MTUS2: variants seen among roughly 807,000 people sequenced by gnomAD.
The protein encoded by MTUS2 is microtubule associated scaffold protein 2.
MTUS2 carries 40 observed loss-of-function variants against 114.1 expected under a neutral mutation model. That is an observed-to-expected ratio of 0.35 (90% CI 0.27 to 0.46). The LOEUF (loss-of-function observed/expected upper bound fraction) is 0.46, where lower values mean the gene tolerates loss of function less well. MTUS2 is among the 20% of genes least tolerant of loss of function. The pLI, the probability that MTUS2 is intolerant of heterozygous loss-of-function variation, is 1.00. For synonymous variants in MTUS2, 688 were observed against 672.0 expected, an observed-to-expected ratio of 1.02 and a Z score of -0.37; for missense variants, 1,679 against 1,705.4, an observed-to-expected ratio of 0.98 and a Z score of 0.27.
intron 5 of MTUS2, among the ~76,000 whole-genome samples, chr13:29,214,177 A>C (rs1469783113): frequency 1.9e-4 from 10 of 52,748 alleles, no homozygotes; most frequent in Non-Finnish European, 3.4e-4. Context: ...CCTATACTAC[A>C]TTGTTTTTTT....
At chr13:29,028,631 G>C (rs1005197456) in intron 3 of MTUS2, among the ~76,000 whole-genome samples, 1 of 151,660 alleles carries the variant, frequency 6.6e-6, no homozygotes, top group African/African-American at 2.4e-5. Flanking sequence ...TTATCTCCTT[G>C]GGAAGGCCAC....
intron 9 of MTUS2, among the ~76,000 whole-genome samples, chr13:29,441,363 C>T (rs998698315): frequency 6.6e-6 from 1 of 152,198 alleles, no homozygotes; most frequent in Non-Finnish European, 1.5e-5. Flanking sequence ...CCACTCCCCG[C>T]AGACGCTTGC....
intron 2 of MTUS2, among the ~76,000 whole-genome samples, chr13:28,968,254 T>A (rs986851962): frequency 6.6e-6 from 1 of 152,206 alleles, no homozygotes; most frequent in Non-Finnish European, 1.5e-5. Flanking sequence ...TTTCATACTG[T>A]GAGGCTGGCC....
intron 8 of MTUS2, among the ~76,000 whole-genome samples, chr13:29,388,041 C>A (rs1185581834): frequency 6.6e-6 from 1 of 152,144 alleles, no homozygotes; most frequent in African/African-American, 2.4e-5. Flanking sequence ...GTTTACCGCA[C>A]ACCTATGGCT....
At chr13:29,058,628 AC>A (rs1888259130) in intron 4 of MTUS2, among the ~76,000 whole-genome samples, 5 of 146,220 alleles carry the variant, frequency 3.4e-5, no homozygotes, top group Non-Finnish European at 7.4e-5. Flanking sequence ...GTTTTAGGGT[AC>A]ATGTGCATGT....
At chr13:29,387,289 G>A (rs992333389) in intron 8 of MTUS2, among the ~76,000 whole-genome samples, 7 of 152,300 alleles carry the variant, frequency 4.6e-5, no homozygotes, top group East Asian at 3.9e-4. Context: ...TGAACAATCC[G>A]TTGGGCAGAC....
At chr13:28,840,659 C>G (rs1015810234) in intron 2 of MTUS2, among the ~76,000 whole-genome samples, 3 of 152,230 alleles carry the variant, frequency 2.0e-5, no homozygotes, top group Non-Finnish European at 4.4e-5. Context: ...ACATGGTGCT[C>G]TTCCACAGTG....
At position 29,174,415 on chromosome 13, in the gene MTUS2, G is replaced by A. The variant is rs141108219; in HGVS notation, c.2644+73445G>A. ...CATTTAAAAAACCAGTGAGCCATCA[G>A]AACCAGAACAGTAGCTTGCATGCTC... On this transcript the variant is annotated intron_variant, in intron 5 of 15. Coordinates refer to ENST00000612955, the MANE Select transcript of MTUS2 (RefSeq NM_001033602.4). Among the ~76,000 whole-genome samples, 201 of 152,296 alleles carry A rather than the reference G, an allele frequency of 1.3e-3. 1 individual carries two copies. Among genetic ancestry groups the A allele is most frequent in the African/African-American group, 4.6e-3 (192 of 41,564 alleles).
intron 5 of MTUS2, among the ~76,000 whole-genome samples, chr13:29,166,100 A>G (rs1404000508): frequency 6.6e-6 from 1 of 152,168 alleles, no homozygotes; most frequent in Admixed American, 6.5e-5. Flanking sequence ...AAACAGAACT[A>G]TGCTTCCACT....
rs561126766 is a variant in MTUS2, at chr13:29,171,790, T to G, written c.2644+70820T>G. ...ACTGTAGTTCAATGCTTCTACCTCATAGTCCAAAATGGCTGCTTGAAATCC... is the reference window on the plus strand; with the variant it reads ...ACTGTAGTTCAATGCTTCTACCTCAGAGTCCAAAATGGCTGCTTGAAATCC... On this transcript the variant is annotated intron_variant, in intron 5 of 15. Transcript: ENST00000612955. 9.8e-5 allele frequency among the ~76,000 whole-genome samples: 15 copies of G among 152,358 alleles called. No homozygotes were observed. The East Asian group carries it at 2.9e-3, about 29-fold the overall frequency.
chr13:29,189,778 CCTTTGGAAGGT>C (rs1221732216), intron 5 of MTUS2, among the ~76,000 whole-genome samples: 3 of 152,068 alleles, frequency 2.0e-5, no homozygotes, highest in Admixed American at 2.0e-4. Flanking sequence ...CCATGATAAA[CCTTTGGAAGGT>C]CTACTTGTTT....
chr13:29,348,101 C>A (rs1868889769), intron 7 of MTUS2, among the ~76,000 whole-genome samples: 2 of 152,234 alleles, frequency 1.3e-5, no homozygotes, highest in South Asian at 4.2e-4. Flanking sequence ...ATGACTGATT[C>A]TTAACTCAAT....
At chr13:29,196,436 T>G (rs77558415) in intron 5 of MTUS2, among the ~76,000 whole-genome samples, 2 of 4,718 alleles carry the variant, frequency 4.2e-4, no homozygotes, top group African/African-American at 5.1e-3. Flanking sequence ...TTTTCCTCAA[T>G]TTTTTTTTTG....
intron 5 of MTUS2, among the ~76,000 whole-genome samples, chr13:29,166,837 T>C (rs544231675): frequency 1.3e-5 from 2 of 152,264 alleles, no homozygotes; most frequent in East Asian, 3.9e-4. Flanking sequence ...TGAAAAAAAA[T>C]TAGTTTTAAA....
chr13:29,420,236 T>G (rs1036744988), intron 8 of MTUS2, among the ~76,000 whole-genome samples: 1 of 151,306 alleles, frequency 6.6e-6, no homozygotes, highest in Admixed American at 6.6e-5. Context: ...CTTCCTTAAC[T>G]TACTTTCTTT....
intron 5 of MTUS2, among the ~76,000 whole-genome samples, chr13:29,224,398 T>A (rs556415093): frequency 8.5e-5 from 13 of 152,312 alleles, no homozygotes; most frequent in African/African-American, 2.4e-4. Context: ...GTTGCTTAGC[T>A]ACTCTTTTTT....
At chr13:29,121,739 C>T (rs1891319554) in intron 5 of MTUS2, among the ~76,000 whole-genome samples, 1 of 152,012 alleles carries the variant, frequency 6.6e-6, no homozygotes. Context: ...TCACCGCAAC[C>T]TCCGCCTCCC....
At chr13:29,178,962 G>A (rs759059716) in intron 5 of MTUS2, among the ~76,000 whole-genome samples, 3 of 152,310 alleles carry the variant, frequency 2.0e-5, no homozygotes, top group African/African-American at 4.8e-5. Context: ...GAGATGTAGT[G>A]CAGTGATATG....
At chr13:29,365,400 C>T (rs1870617565) in intron 8 of MTUS2, among the ~76,000 whole-genome samples, 1 of 152,074 alleles carries the variant, frequency 6.6e-6, no homozygotes, top group Non-Finnish European at 1.5e-5. Flanking sequence ...ATACATTTCA[C>T]AATAAGGTGC....
Sources: allele counts gnomAD v4.1 joint callset (sites outside exome capture counted in the v4.1 genomes callset), GRCh38; gene constraint gnomAD v4.1.1; transcripts MANE v1.5; gene names NCBI Gene and HGNC (gene_info 2026-07-23, HGNC 2026-07-21).